The following DENND4C variants were observed in gnomAD, a reference collection of about 807,000 sequenced individuals.
The protein encoded by DENND4C is DENN domain containing 4C, also known as DENN domain-containing protein 4C.
Under a neutral mutation model 203.0 loss-of-function variants are expected in DENND4C, and 108 were observed. That is an observed-to-expected ratio of 0.53 (90% CI 0.46 to 0.62). The LOEUF (loss-of-function observed/expected upper bound fraction) is 0.62, where lower values mean the gene tolerates loss of function less well. Ranked by LOEUF, DENND4C falls within the 20% of genes least tolerant of loss-of-function variation. The pLI, the probability that DENND4C is intolerant of heterozygous loss-of-function variation, is 0.00. For synonymous variants in DENND4C, 871 were observed against 792.4 expected (o/e 1.10, Z -1.67); for missense variants, 2,481 against 2,301.2 (o/e 1.08, Z -1.60).
intron 31 of DENND4C, chr9:19,370,213 T>C: frequency 2.0e-6 from 1 of 507,922 alleles, no homozygotes. Context: ...ATCCCAGCAC[T>C]TTGGGTGGCC....
Position 19,273,904 on chromosome 9 carries a change from G to C in DENND4C, c.-17-2254G>C, listed in dbSNP as rs148217026. ...CACCTAATCCAGCCATCCTGTTTTAGGAATTTACCCAAGACAAATGAAAGC... is the reference window on the plus strand; with the variant it reads ...CACCTAATCCAGCCATCCTGTTTTACGAATTTACCCAAGACAAATGAAAGC... On this transcript the variant is annotated intron_variant, in intron 1 of 32. Coordinates refer to ENST00000434457, the MANE Select transcript of DENND4C (RefSeq NM_001330640.2). Among the ~76,000 whole-genome samples the C allele has an allele frequency of 3.2e-3, 482 of 152,084 alleles. 6 individuals are homozygous for C. Among genetic ancestry groups the C allele is most frequent in the African/African-American group, 0.011 (460 of 41,356 alleles).
intron 1 of DENND4C, among the ~76,000 whole-genome samples, chr9:19,245,381 G>C (rs1176777991): frequency 6.6e-6 from 1 of 151,640 alleles, no homozygotes; most frequent in Non-Finnish European, 1.5e-5. Context: ...GCAGGAGAAT[G>C]GTGTGAACCC....
chr9:19,339,628 A>G (rs917510205), intron 20 of DENND4C, among the ~76,000 whole-genome samples: 4 of 152,108 alleles, frequency 2.6e-5, no homozygotes, highest in Non-Finnish European at 4.4e-5. Context: ...TAGTTACTAT[A>G]ATATTTTTTT....
At chr9:19,266,046 G>A (rs1830428064) in intron 1 of DENND4C, among the ~76,000 whole-genome samples, 2 of 152,136 alleles carry the variant, frequency 1.3e-5, no homozygotes, top group African/African-American at 4.8e-5. Flanking sequence ...CTTCCACAAT[G>A]GTTGAACTAG....
intron 5 of DENND4C, among the ~76,000 whole-genome samples, chr9:19,293,655 A>C (rs1439178032): frequency 6.6e-6 from 1 of 152,226 alleles, no homozygotes; most frequent in East Asian, 1.9e-4. Context: ...CAGAGGAAGT[A>C]CCAAGGCTAA....
intron 1 of DENND4C, 130 bp from the exon 2 acceptor site, chr9:19,276,025 TCTC>T: frequency 2.2e-6 from 1 of 448,096 alleles, no homozygotes; most frequent in Middle Eastern, 5.9e-4. Flanking sequence ...GCAGGCTTCT[TCTC>T]AGAATGGCAA....
rs549515733 is a variant in DENND4C, at chr9:19,341,351, C to T, written c.3004+237C>T. ...TTTTTGAGGCAGGGTCTTGCTCTCT[C>T]GCCCAGGCTGAGTGCAGTGGCGAGA... On this transcript the variant is annotated intron_variant, in intron 21 of 32. Coordinates refer to ENST00000434457, the MANE Select transcript of DENND4C (RefSeq NM_001330640.2). 3.4e-5 allele frequency among the ~76,000 whole-genome samples: 5 copies of T among 145,422 alleles called. 1 individual carries two copies. Among genetic ancestry groups the T allele is most frequent in the African/African-American group, 7.8e-5 (3 of 38,654 alleles).
intron 6 of DENND4C, among the ~76,000 whole-genome samples, chr9:19,297,775 T>C (rs926768103): frequency 6.6e-6 from 1 of 152,156 alleles, no homozygotes; most frequent in Non-Finnish European, 1.5e-5. Flanking sequence ...CTATAAAAAT[T>C]CACTTCTTTC....
At position 19,372,068 on chromosome 9, in the gene DENND4C, C is replaced by T. The variant is rs772744592; in HGVS notation, c.5772C>T (p.Tyr1924=). Residue 1924 remains tyrosine (Y), a synonymous_variant, in exon 33 of 33, where the codon TAC becomes TAT. Coordinates refer to ENST00000434457, the MANE Select transcript of DENND4C (RefSeq NM_001330640.2). ...EAFDNEYGIA[Y]NSLSSEILER... ...TTGACAATGAATATGGAATTGCATA[C>T]AATAGTCTGTCTTCAGAGATTCTTG... 2.5e-6 allele frequency: 4 copies of T among 1,613,622 alleles called. No individual in the cohort carries two copies. Among genetic ancestry groups the T allele is most frequent in the Admixed American group, 1.7e-5 (1 of 59,884 alleles).
intron 10 of DENND4C, among the ~76,000 whole-genome samples, chr9:19,309,601 C>A (rs1310028921): frequency 6.6e-6 from 1 of 151,778 alleles, no homozygotes; most frequent in African/African-American, 2.4e-5. Flanking sequence ...CATGGTGAAT[C>A]CCCTTACTCC....
intron 5 of DENND4C, 43 bp downstream of exon 5, chr9:19,290,919 T>G (rs1245170205): frequency 1.3e-6 from 2 of 1,560,170 alleles, no homozygotes; most frequent in Admixed American, 1.8e-5. Flanking sequence ...TGTCCATGTT[T>G]TTATTTCATA....
At position 19,316,485 on chromosome 9, in the gene DENND4C, C is replaced by G; in HGVS notation, c.1556C>G (p.Thr519Ser). ...AAGCCGTGCAAAAATCTACTTAGCA[C>G]CTTAAAGAAATTGTATCCCCAGCTG... ...PKKPCKNLLSTLKKLYPQLSS... is the reference protein window; with the variant it reads ...PKKPCKNLLSSLKKLYPQLSS... The change falls in exon 11 of 33, where the codon ACC (threonine) becomes AGC (serine). Residue 519 changes from threonine to serine, a missense_variant. This residue lies in a region of DENND4C where 2,289 missense variants were observed against 2,113.3 expected (regional missense o/e 1.08). Coordinates refer to ENST00000434457, the MANE Select transcript of DENND4C (RefSeq NM_001330640.2). The G allele has an allele frequency of 1.2e-6, 2 of 1,613,658 alleles. No individual in the cohort carries two copies. Among genetic ancestry groups the G allele is most frequent in the Non-Finnish European group, 8.5e-7 (1 of 1,179,912 alleles).
intron 13 of DENND4C, among the ~76,000 whole-genome samples, chr9:19,324,965 G>A (rs978384210): frequency 2.6e-5 from 4 of 152,016 alleles, no homozygotes; most frequent in African/African-American, 9.7e-5. Flanking sequence ...TGATCCTCCC[G>A]CCTTGGCCTC....
intron 22 of DENND4C, among the ~76,000 whole-genome samples, chr9:19,345,310 A>T (rs1822616073): frequency 1.3e-5 from 2 of 152,228 alleles, no homozygotes; most frequent in Non-Finnish European, 2.9e-5. Flanking sequence ...GGCTAGGATT[A>T]TGTCTGTTTT....
intron 10 of DENND4C, among the ~76,000 whole-genome samples, chr9:19,315,955 G>C (rs925669997): frequency 6.6e-6 from 1 of 152,050 alleles, no homozygotes; most frequent in African/African-American, 2.4e-5. Flanking sequence ...CATGATCATA[G>C]ATTATATTGA....
At chr9:19,290,957 T>C (rs536327845) in intron 5 of DENND4C, 81 bp downstream of exon 5, 25 of 1,363,944 alleles carry the variant, frequency 1.8e-5, no homozygotes, top group East Asian at 4.8e-5. Flanking sequence ...TTTATTTGAA[T>C]GTTAGGATTA....
At chr9:19,272,004 A>G (rs1011986116) in intron 1 of DENND4C, among the ~76,000 whole-genome samples, 12 of 152,328 alleles carry the variant, frequency 7.9e-5, no homozygotes, top group African/African-American at 2.9e-4. Flanking sequence ...ACATAGATCA[A>G]TGGAACAGAA....
intron 26 of DENND4C, among the ~76,000 whole-genome samples, chr9:19,354,446 C>A (rs1276150091): frequency 6.6e-6 from 1 of 152,070 alleles, no homozygotes; most frequent in African/African-American, 2.4e-5. Context: ...TTCTATATAG[C>A]CTTACCAGCA....
At chr9:19,291,648 T>C (rs1251189914) in intron 5 of DENND4C, among the ~76,000 whole-genome samples, 1 of 146,762 alleles carries the variant, frequency 6.8e-6, no homozygotes, top group Admixed American at 6.9e-5. Context: ...GAGGTTGCAA[T>C]GAGCTGAGAC....
Sources: gnomAD v4.1 joint callset for allele counts (sites outside exome capture counted in the v4.1 genomes callset) on GRCh38, gnomAD v4.1.1 for gene constraint, gnomAD v4.1.1 regional missense constraint, MANE v1.5 for transcripts, NCBI Gene and HGNC (gene_info 2026-07-23, HGNC 2026-07-21) for gene names.